ASXL1: variants seen among roughly 807,000 people sequenced by gnomAD.
ASXL1 encodes the protein ASXL transcriptional regulator 1.
Under a neutral mutation model 89.1 loss-of-function variants are expected in ASXL1, and 65 were observed. That is an observed-to-expected ratio of 0.73 (90% CI 0.60 to 0.90). The LOEUF (loss-of-function observed/expected upper bound fraction) is 0.90, where lower values mean the gene tolerates loss of function less well. Ranked by LOEUF, ASXL1 falls within the 40% of genes least tolerant of loss-of-function variation. The probability of loss-of-function intolerance (pLI) is 0.00; values close to 1 mark genes in which losing one functional copy is unlikely to be tolerated. For missense variants in ASXL1, 1,786 were observed against 1,942.9 expected (o/e 0.92, Z 1.52); for synonymous variants, 739 against 746.9 (o/e 0.99, Z 0.17).
At position 32,434,453 on chromosome 20, in the gene ASXL1, CCACCCTGGGTGGTT is replaced by C; in HGVS notation, c.1742_1755del (p.Pro581GlnfsTer33). On this transcript the variant is annotated frameshift_variant, in exon 13 of 13. Coordinates refer to ENST00000375687, the MANE Select transcript of ASXL1 (RefSeq NM_015338.6). LOFTEE classifies it low-confidence loss of function (END_TRUNC). ...GCAGATTCAACTTTCACGTATCAAA[CCACCCTGGGTGGTT>C]AAAGGTCAGCCCACTTACCAGATAT... 6.2e-7 allele frequency: 1 copy of C among 1,614,042 alleles called. No homozygotes were observed. The highest frequency in any genetic ancestry group is 8.5e-7 in the Non-Finnish European group (1 of 1,180,018).
At chr20:32,382,538 G>A (rs1360293885) in intron 4 of ASXL1, among the ~76,000 whole-genome samples, 1 of 150,190 alleles carries the variant, frequency 6.7e-6, no homozygotes, top group Non-Finnish European at 1.5e-5. Context: ...TGGAGGCTGA[G>A]TCGTCAGGAA....
intron 4 of ASXL1, 117 bp downstream of exon 4, chr20:32,369,240 G>A (rs568054480): frequency 1.0e-6 from 1 of 959,910 alleles, no homozygotes. Context: ...ATGCAGTCAG[G>A]TGACACTGAT....
At chr20:32,359,687 C>T (rs976661716) in intron 1 of ASXL1, 4 of 717,716 alleles carry the variant, frequency 5.6e-6, no homozygotes, top group African/African-American at 1.7e-5. Flanking sequence ...AGACGTTGTT[C>T]ACTGAGGATT....
intron 8 of ASXL1, chr20:32,430,275 C>G: frequency 1.6e-6 from 1 of 620,336 alleles, no homozygotes; most frequent in South Asian, 2.4e-5. Flanking sequence ...CATACTGTTT[C>G]TCGTATGTCC....
At chr20:32,427,416 T>A (rs1399526501) in intron 4 of ASXL1, 1 of 153,496 alleles carries the variant, frequency 6.5e-6, no homozygotes, top group Admixed American at 6.4e-5. Context: ...GTAGTTAATA[T>A]TCTTCAGTGA....
intron 4 of ASXL1, among the ~76,000 whole-genome samples, chr20:32,391,699 G>C (rs1173913690): frequency 6.6e-6 from 1 of 152,114 alleles, no homozygotes; most frequent in African/African-American, 2.4e-5. Context: ...ATGTTTCCCA[G>C]GCTGGTCTTG....
chr20:32,376,849 A>G (rs1185817314), intron 4 of ASXL1, among the ~76,000 whole-genome samples: 1 of 138,070 alleles, frequency 7.2e-6, no homozygotes, highest in East Asian at 2.1e-4. Flanking sequence ...ATCATGATAG[A>G]TATATAATAT....
rs73244991 is a variant in ASXL1 at position 32,429,703 on chromosome 20, A to G, written c.566-198A>G. Reference sequence around the variant, plus strand: ...AAGGTGTAGTGCTATACAAATAAAGATGGCAGTTTGGCACCTGTAAGGTGA... The same window carrying G: ...AAGGTGTAGTGCTATACAAATAAAGGTGGCAGTTTGGCACCTGTAAGGTGA... On this transcript the variant is annotated intron_variant, in intron 7 of 12. Coordinates refer to ENST00000375687, the MANE Select transcript of ASXL1 (RefSeq NM_015338.6). This position sits in a 1 kb window ranked among gnomAD's most constrained non-coding sequence, Gnocchi z 4.9. 6,306 of 757,920 alleles carry G rather than the reference A, an allele frequency of 8.3e-3. 273 individuals are homozygous for G. The African/African-American group carries it at 0.097, about 12-fold the overall frequency. 46.9% of individuals were successfully genotyped at this position (757,920 alleles called of 1,614,324 possible). A position where few individuals can be genotyped will look rare whatever the true frequency, so the allele number is the denominator to read the frequency against.
At chr20:32,380,763 A>G (rs760713857) in intron 4 of ASXL1, among the ~76,000 whole-genome samples, 4 of 152,198 alleles carry the variant, frequency 2.6e-5, no homozygotes, top group Admixed American at 6.5e-5. Context: ...AAAGAAACAA[A>G]AAAAACCCAA....
chr20:32,394,873 C>G (rs2048735395), intron 4 of ASXL1, among the ~76,000 whole-genome samples: 1 of 151,962 alleles, frequency 6.6e-6, no homozygotes, highest in African/African-American at 2.4e-5. Context: ...CCCATCATGC[C>G]TGGCTGATTT....
rs139181730 is a variant in ASXL1 at position 32,438,699 on chromosome 20, C to T, written c.*1361C>T. On this transcript the variant is annotated 3_prime_UTR_variant, in exon 13 of 13. Transcript: ENST00000375687. ...CATGGGTGAGTTCCCTGGGCAGCCCCCAGGAAGGCCTTCCAGATCTGGCTC... is the reference window on the plus strand; with the variant it reads ...CATGGGTGAGTTCCCTGGGCAGCCCTCAGGAAGGCCTTCCAGATCTGGCTC... 51 of 233,694 alleles carry T rather than the reference C, an allele frequency of 2.2e-4. No homozygotes were observed. Among genetic ancestry groups the T allele is most frequent in the African/African-American group, 9.5e-4 (43 of 45,472 alleles). 14.5% of individuals were successfully genotyped at this position (233,694 alleles called of 1,614,324 possible).
rs948919106 is a variant in ASXL1, at chr20:32,369,909, C to T, written c.252+786C>T. ...GTAATTTTTGTATTTTTAGTAGAGACGGGGTTTCACCATGTTGGCCAGGCT... is the reference window on the plus strand; with the variant it reads ...GTAATTTTTGTATTTTTAGTAGAGATGGGGTTTCACCATGTTGGCCAGGCT... On this transcript the variant is annotated intron_variant, in intron 4 of 12. Coordinates refer to ENST00000375687, the MANE Select transcript of ASXL1 (RefSeq NM_015338.6). Among the ~76,000 whole-genome samples the T allele has an allele frequency of 1.5e-4, 22 of 151,532 alleles. No individual in the cohort carries two copies. In the South Asian group the frequency reaches 2.3e-3, roughly 16 times the overall value.
At chr20:32,370,004 C>T (rs1341189408) in intron 4 of ASXL1, among the ~76,000 whole-genome samples, 1 of 152,028 alleles carries the variant, frequency 6.6e-6, no homozygotes, top group Non-Finnish European at 1.5e-5. Flanking sequence ...CAGGCGTGAG[C>T]CACTGCACCT....
chr20:32,403,036 A>G (rs1418766687), intron 4 of ASXL1, among the ~76,000 whole-genome samples: 1 of 152,156 alleles, frequency 6.6e-6, no homozygotes, highest in African/African-American at 2.4e-5. Context: ...TATGCTTTAC[A>G]TTTAAGTCTG....
At chr20:32,403,635 A>G (rs1458649942) in intron 4 of ASXL1, among the ~76,000 whole-genome samples, 1 of 152,034 alleles carries the variant, frequency 6.6e-6, no homozygotes, top group African/African-American at 2.4e-5. Flanking sequence ...TGTTGGTCTC[A>G]AACACCTGGG....
intron 4 of ASXL1, chr20:32,427,159 A>G (rs543602963): frequency 1.3e-5 from 2 of 152,246 alleles, no homozygotes; most frequent in African/African-American, 4.8e-5. Flanking sequence ...ATAACTCCCA[A>G]GTTCTTCTTG....
At position 32,434,443 on chromosome 20, in the gene ASXL1, A is replaced by C. The variant is rs2145356208; in HGVS notation, c.1731A>C (p.Ser577=). ...TTCTTTTTTTGCAGATTCAACTTTC[A>C]CGTATCAAACCACCCTGGGTGGTTA... The part of the protein sequence containing the change: ...PKVPPIRIQL[S]RIKPPWVVKG... The change falls in exon 13 of 13, where the codon TCA becomes TCC. Residue 577 remains serine (S), a synonymous_variant. Transcript: ENST00000375687. The C allele has an allele frequency of 6.2e-7, 1 of 1,613,928 alleles. No homozygotes were observed. Among genetic ancestry groups the C allele is most frequent in the East Asian group, 2.2e-5 (1 of 44,880 alleles).
intron 8 of ASXL1, chr20:32,430,715 C>G (rs564457090): frequency 4.2e-6 from 1 of 239,388 alleles, no homozygotes; most frequent in African/African-American, 2.2e-5. Flanking sequence ...CATGTGAGAA[C>G]TAGGTTTGCT....
chr20:32,425,443 C>G (rs1600568362), intron 4 of ASXL1, among the ~76,000 whole-genome samples: 1 of 152,198 alleles, frequency 6.6e-6, no homozygotes, highest in Non-Finnish European at 1.5e-5. Flanking sequence ...TTCTCAAATG[C>G]TTGGATCTGT....
Sources: gnomAD v4.1 joint callset for allele counts (sites outside exome capture counted in the v4.1 genomes callset) on GRCh38, gnomAD v4.1.1 for gene constraint, Gnocchi (gnomAD v3.1) non-coding constraint, MANE v1.5 for transcripts, NCBI Gene and HGNC (gene_info 2026-07-23, HGNC 2026-07-21) for gene names.